The following CEP135 variants were observed in gnomAD, a reference collection of about 807,000 sequenced individuals.
CEP135 encodes centrosomal protein 135.
In CEP135, 142 loss-of-function variants were observed where a neutral mutation model predicts 157.3. The observed-to-expected ratio is 0.90, with a 90% CI of 0.79 to 1.04. CEP135 has a LOEUF of 1.04. CEP135 is among the 50% of genes least tolerant of loss of function. The probability of loss-of-function intolerance (pLI) is 0.00; values close to 1 mark genes in which losing one functional copy is unlikely to be tolerated. For missense variants in CEP135, 1,317 were observed against 1,309.2 expected (o/e 1.01, Z -0.09); for synonymous variants, 396 against 439.8 (o/e 0.90, Z 1.25).
intron 10 of CEP135, among the ~76,000 whole-genome samples, chr4:55,972,022 C>A (rs1033599985): frequency 2.2e-4 from 33 of 152,010 alleles, no homozygotes; most frequent in African/African-American, 8.0e-4. Context: ...TGGTGGCATG[C>A]GACTGTAATC....
In CEP135 at chr4:55,952,123, A is replaced by G. The variant is rs754611367; in HGVS notation, c.-8A>G. ...TGGAAGTGAATAAAACTTGTTTTAG[A>G]AGACGAGATGACTACAGCTGTAGAG... On this transcript the variant is annotated 5_prime_UTR_variant, in exon 2 of 26. Transcript: ENST00000257287. 6.7e-7 allele frequency: 1 copy of G among 1,497,262 alleles called. No homozygotes were observed. The highest frequency in any genetic ancestry group is 9.2e-7 in the Non-Finnish European group (1 of 1,086,544). The allele number at this position is 1,497,262 out of a possible 1,614,324, so 92.7% of individuals were successfully genotyped here.
rs199977626 is a variant in CEP135 at position 56,009,817 on chromosome 4, G to A, written c.2419G>A (p.Asp807Asn). 1.7e-5 allele frequency: 27 copies of A among 1,614,114 alleles called. No homozygotes were observed. Among genetic ancestry groups the A allele is most frequent in the South Asian group, 2.2e-5 (2 of 91,058 alleles). ...RQLDAAHKEL[D>N]EVGRSREIAF... ...GCTTGATGCAGCTCACAAAGAACTC[G>A]ATGAAGTAGGAAGATCTAGAGAAAT... is the stretch of plus-strand genomic sequence containing the variant. Residue 807 changes from aspartate to asparagine, a missense_variant, in exon 19 of 26, where the codon GAT becomes AAT. Transcript: ENST00000257287.
intron 15 of CEP135, 126 bp downstream of exon 15, chr4:55,992,211 A>G: frequency 1.3e-6 from 1 of 797,446 alleles, no homozygotes; most frequent in Non-Finnish European, 1.9e-6. Flanking sequence ...TTTGCAGTAG[A>G]CTCACCTGGG....
intron 6 of CEP135, among the ~76,000 whole-genome samples, chr4:55,962,730 CT>C (rs56378859): frequency 0.4 from 50,565 of 125,134 alleles, 7,884 homozygotes; most frequent in Admixed American, 0.45. Context: ...TTTTAAGCCT[CT>C]TTTTTTTTTT....
At chr4:55,963,741 G>A (rs772360461) in intron 6 of CEP135, among the ~76,000 whole-genome samples, 8 of 152,132 alleles carry the variant, frequency 5.3e-5, no homozygotes, top group Admixed American at 1.3e-4. Context: ...GTGAAACTCC[G>A]TCTCAAAAAG....
intron 5 of CEP135, 130 bp downstream of exon 5, chr4:55,957,494 C>T (rs754959625): frequency 1.3e-5 from 9 of 708,208 alleles, no homozygotes; most frequent in Admixed American, 3.6e-5. Context: ...TTTGCACCGG[C>T]ACTCAGTAAA....
intron 6 of CEP135, among the ~76,000 whole-genome samples, chr4:55,961,764 TAAAAAAAAA>T (rs564116620): frequency 0.024 from 1,300 of 54,246 alleles, 35 homozygotes; most frequent in African/African-American, 0.095. Context: ...AAACTCTGTC[TAAAAAAAAA>T]AAAAAAAAAA....
Position 55,999,343 on chromosome 4 carries a change from A to C in CEP135, c.2051A>C (p.Gln684Pro). 6.2e-7 allele frequency: 1 copy of C among 1,614,214 alleles called. No homozygotes were observed. Among genetic ancestry groups the C allele is most frequent in the East Asian group, 2.2e-5 (1 of 44,872 alleles). ...EQLQRSVDDY[Q>P]HRLSIKRGEL... Reference sequence around the variant, plus strand: ...CTACAGCGGTCAGTTGATGACTATCAGCACCGACTTTCCATAAAAAGAGGT... The same window carrying C: ...CTACAGCGGTCAGTTGATGACTATCCGCACCGACTTTCCATAAAAAGAGGT... The change falls in exon 16 of 26, where the codon CAG (glutamine) becomes CCG (proline). Residue 684 changes from glutamine to proline, a missense_variant. Transcript: ENST00000257287.
intron 14 of CEP135, among the ~76,000 whole-genome samples, chr4:55,987,584 T>C (rs959158081): frequency 1.3e-5 from 2 of 152,212 alleles, no homozygotes; most frequent in African/African-American, 4.8e-5. Context: ...CCGGTCATCA[T>C]TGCCTGGTGC....
chr4:55,950,369 T>C (rs758064109), intron 1 of CEP135, among the ~76,000 whole-genome samples: 1 of 152,240 alleles, frequency 6.6e-6, no homozygotes, highest in South Asian at 2.1e-4. Flanking sequence ...ATGCATGTAA[T>C]GCATTTTTTA....
chr4:56,019,781 CA>C (rs879915421), intron 23 of CEP135, among the ~76,000 whole-genome samples: 182 of 138,868 alleles, frequency 1.3e-3, no homozygotes, highest in Admixed American at 1.8e-3. Flanking sequence ...ACTAAAAATA[CA>C]AAAAAAAAAA....
chr4:56,021,149 A>C (rs1359801785), intron 24 of CEP135, among the ~76,000 whole-genome samples: 1 of 152,204 alleles, frequency 6.6e-6, no homozygotes, highest in Non-Finnish European at 1.5e-5. Context: ...AACAATCCCT[A>C]TAAGAGCTCC....
chr4:56,007,248 T>C (rs1433086797), intron 17 of CEP135, among the ~76,000 whole-genome samples: 1 of 152,192 alleles, frequency 6.6e-6, no homozygotes, highest in East Asian at 1.9e-4. Flanking sequence ...TCAAACTTTA[T>C]TGAATTTCAT....
intron 14 of CEP135, among the ~76,000 whole-genome samples, chr4:55,990,768 T>A (rs1473496614): frequency 6.6e-6 from 1 of 152,182 alleles, no homozygotes; most frequent in Non-Finnish European, 1.5e-5. Context: ...GTGGTCCTCT[T>A]GCATTGGCCT....
intron 6 of CEP135, among the ~76,000 whole-genome samples, chr4:55,962,289 A>T (rs2109652002): frequency 6.6e-6 from 1 of 152,160 alleles, no homozygotes; most frequent in Admixed American, 6.5e-5. Flanking sequence ...TTTAGTAGAG[A>T]CAGGGTTTAA....
chr4:55,952,944 C>G (rs909186360), intron 2 of CEP135, 141 bp from the exon 3 acceptor site: 3 of 635,434 alleles, frequency 4.7e-6, no homozygotes, highest in Non-Finnish European at 7.5e-6. Flanking sequence ...GGACTACTCT[C>G]CTTCCTATAT....
chr4:56,015,311 CT>C (rs748947554), intron 21 of CEP135, among the ~76,000 whole-genome samples: 6 of 152,208 alleles, frequency 3.9e-5, no homozygotes, highest in Non-Finnish European at 7.3e-5. Context: ...GCAAGTTCAC[CT>C]TCAAGAAAAG....
At chr4:55,977,483 C>T (rs1157722137) in intron 11 of CEP135, among the ~76,000 whole-genome samples, 2 of 152,144 alleles carry the variant, frequency 1.3e-5, no homozygotes, top group African/African-American at 4.8e-5. Flanking sequence ...CTGTTTTCCT[C>T]ATTTGCAGAG....
At chr4:56,030,782 C>T (rs143706306) in intron 25 of CEP135, among the ~76,000 whole-genome samples, 217 of 152,158 alleles carry the variant, frequency 1.4e-3, no homozygotes, top group African/African-American at 4.9e-3. Context: ...TGCAGTATCA[C>T]ACAGACTCAC....
Sources: allele counts gnomAD v4.1 joint callset (sites outside exome capture counted in the v4.1 genomes callset), GRCh38; gene constraint gnomAD v4.1.1; transcripts MANE v1.5; gene names NCBI Gene and HGNC (gene_info 2026-07-23, HGNC 2026-07-21).